REEP3: variants seen among roughly 807,000 people sequenced by gnomAD.
The protein encoded by REEP3 is receptor accessory protein 3.
Under a neutral mutation model 41.3 loss-of-function variants are expected in REEP3, and 20 were observed. The observed-to-expected ratio is 0.48, with a 90% CI of 0.34 to 0.70. The LOEUF (loss-of-function observed/expected upper bound fraction) is 0.70. Among genes scored for constraint, REEP3 ranks in the 30% least tolerant of loss-of-function variants. The probability of loss-of-function intolerance (pLI) is 0.01; values close to 1 mark genes in which losing one functional copy is unlikely to be tolerated. For synonymous variants in REEP3, 104 were observed against 101.8 expected, an observed-to-expected ratio of 1.02 and a Z score of -0.13; for missense variants, 271 against 308.8, an observed-to-expected ratio of 0.88 and a Z score of 0.92.
chr10:63,521,620 G>A (rs1017756664), intron 1 of REEP3, 43 bp downstream of exon 1: 65 of 1,355,468 alleles, frequency 4.8e-5, no homozygotes, highest in Non-Finnish European at 5.9e-5. Context: ...GCGAGGCCCA[G>A]GGGAGCTGTG....
At chr10:63,588,512 T>G (rs1956028352) in intron 2 of REEP3, among the ~76,000 whole-genome samples, 1 of 152,254 alleles carries the variant, frequency 6.6e-6, no homozygotes, top group Non-Finnish European at 1.5e-5. Flanking sequence ...CTATCTACTT[T>G]CTAGCCTTTT....
intron 2 of REEP3, among the ~76,000 whole-genome samples, chr10:63,593,828 T>C (rs986603694): frequency 1.3e-5 from 2 of 152,012 alleles, no homozygotes; most frequent in African/African-American, 4.8e-5. Flanking sequence ...TGAACTACCA[T>C]TGTGGAATTA....
chr10:63,562,404 T>C (rs541751805), intron 1 of REEP3, among the ~76,000 whole-genome samples: 1 of 152,194 alleles, frequency 6.6e-6, no homozygotes, highest in South Asian at 2.1e-4. Flanking sequence ...ATTACAGGCA[T>C]GCATCACCAT....
intron 1 of REEP3, among the ~76,000 whole-genome samples, chr10:63,544,667 T>C (rs182946277): frequency 7.0e-4 from 107 of 152,276 alleles, no homozygotes; most frequent in African/African-American, 2.4e-3. Flanking sequence ...CAGAAGCAGA[T>C]GGGATGTTAG....
chr10:63,619,669 C>T lies in REEP3; in HGVS notation c.580C>T (p.Leu194=). ...PSESAGYGIP[L]KDGDEKTDEE... The stretch of plus-strand genomic sequence containing the variant: ...AACTTGTTTAGGTTATGGAATTCCA[C>T]TGAAAGACGGAGATGAGAAAACAGA... Residue 194 remains leucine (L), a synonymous_variant, in exon 7 of 8, where the codon CTG becomes TTG. Coordinates refer to ENST00000373758, the MANE Select transcript of REEP3 (RefSeq NM_001001330.3). 6.2e-7 allele frequency: 1 copy of T among 1,601,892 alleles called. No individual in the cohort carries two copies. Among genetic ancestry groups the T allele is most frequent in the South Asian group, 1.1e-5 (1 of 88,794 alleles).
At chr10:63,571,547 G>A (rs1285424183) in intron 2 of REEP3, among the ~76,000 whole-genome samples, 1 of 152,074 alleles carries the variant, frequency 6.6e-6, no homozygotes, top group Non-Finnish European at 1.5e-5. Context: ...CCACTTATAA[G>A]GACTCTTGTG....
rs138157990 is a variant in REEP3, at chr10:63,621,255, T to C, written c.*386T>C. The C allele has an allele frequency of 5.2e-4, 81 of 155,284 alleles. 3 individuals carry two copies. In the East Asian group the frequency reaches 0.011, roughly 20 times the overall value. The allele number at this position is 155,284 out of a possible 1,614,324, so 9.6% of individuals were successfully genotyped here. ...ACTGTGTTTACCTCCTTTTGTGTTG[T>C]ATCTGGTAATTAAATAGGCCTCAGA... On this transcript the variant is annotated 3_prime_UTR_variant, in exon 8 of 8. Coordinates refer to ENST00000373758, the MANE Select transcript of REEP3 (RefSeq NM_001001330.3).
chr10:63,584,785 G>A lies in REEP3; in HGVS notation c.106-9993G>A, dbSNP rs138337395. 5.4e-3 allele frequency among the ~76,000 whole-genome samples: 829 copies of A among 152,150 alleles called. 4 individuals carry two copies. Among genetic ancestry groups the A allele is most frequent in the Non-Finnish European group, 9.3e-3 (632 of 68,006 alleles). ...AATGTGGTGTAGAATGAATGTTTTG[G>A]GTGAATTGACTTGAGTGGGTAACAA... On this transcript the variant is annotated intron_variant, in intron 2 of 7. Coordinates refer to ENST00000373758, the MANE Select transcript of REEP3 (RefSeq NM_001001330.3).
chr10:63,619,568 A>G (rs1956337270), intron 6 of REEP3, 87 bp from the exon 7 acceptor site: 2 of 1,186,148 alleles, frequency 1.7e-6, no homozygotes, highest in Non-Finnish European at 2.4e-6. Context: ...TGCAAACCAT[A>G]CAAAGAACTG....
chr10:63,601,721 C>T (rs1405663738), intron 5 of REEP3, among the ~76,000 whole-genome samples: 2 of 152,074 alleles, frequency 1.3e-5, no homozygotes, highest in African/African-American at 4.8e-5. Flanking sequence ...GAGTTCAAGA[C>T]CATCCTGGCC....
At chr10:63,530,734 T>C (rs1190053669) in intron 1 of REEP3, among the ~76,000 whole-genome samples, 1 of 152,214 alleles carries the variant, frequency 6.6e-6, no homozygotes, top group Non-Finnish European at 1.5e-5. Flanking sequence ...TTTTATATTA[T>C]GTACTTTAAG....
At chr10:63,552,361 A>G (rs1184014887) in intron 1 of REEP3, among the ~76,000 whole-genome samples, 1 of 152,186 alleles carries the variant, frequency 6.6e-6, no homozygotes, top group African/African-American at 2.4e-5. Context: ...CAGTGAGCCG[A>G]GATTTTGCCC....
intron 2 of REEP3, among the ~76,000 whole-genome samples, chr10:63,581,611 C>T (rs768628731): frequency 1.3e-5 from 2 of 151,978 alleles, no homozygotes; most frequent in African/African-American, 2.4e-5. Flanking sequence ...GGCGTGGTGG[C>T]ATGTGCCTAT....
At chr10:63,562,321 G>A (rs576509574) in intron 1 of REEP3, among the ~76,000 whole-genome samples, 19 of 150,202 alleles carry the variant, frequency 1.3e-4, no homozygotes, top group Admixed American at 1.0e-3. Flanking sequence ...CCAGTGGCAC[G>A]ATCTCGGCTC....
chr10:63,528,898 C>T (rs1288257620), intron 1 of REEP3, among the ~76,000 whole-genome samples: 1 of 152,234 alleles, frequency 6.6e-6, no homozygotes, highest in Non-Finnish European at 1.5e-5. Context: ...CTTCCCCGCT[C>T]CGTTGTCTGT....
chr10:63,566,341 G>A lies in REEP3; in HGVS notation c.36G>A (p.Leu12=). 3 of 1,540,990 alleles carry A rather than the reference G, an allele frequency of 1.9e-6. No homozygotes were observed. The Middle Eastern group carries it at 5.1e-4, about 261-fold the overall frequency. The stretch of plus-strand genomic sequence containing the variant: ...TTCTCATTTTTTTTACTTTTAGGCT[G>A]GTGTTTGGAATGCTTTATCCTGCAT... ...VSWMISRAVV[L]VFGMLYPAYY... is the part of the protein sequence containing the mutation. Residue 12 remains leucine (L), a synonymous_variant, in exon 2 of 8, where the codon CTG becomes CTA. Transcript: ENST00000373758.
At chr10:63,572,667 CTGTTA>C (rs924600257) in intron 2 of REEP3, among the ~76,000 whole-genome samples, 28 of 151,934 alleles carry the variant, frequency 1.8e-4, no homozygotes, top group Non-Finnish European at 3.8e-4. Flanking sequence ...TTATATTGCC[CTGTTA>C]TGTTTTTAAT....
chr10:63,527,392 C>A (rs553905851), intron 1 of REEP3, among the ~76,000 whole-genome samples: 1 of 152,288 alleles, frequency 6.6e-6, no homozygotes, highest in South Asian at 2.1e-4. Context: ...ATAGTCCAAG[C>A]CGGGCACAGT....
At chr10:63,588,204 C>G (rs1053489332) in intron 2 of REEP3, among the ~76,000 whole-genome samples, 4 of 152,210 alleles carry the variant, frequency 2.6e-5, no homozygotes, top group African/African-American at 9.6e-5. Flanking sequence ...GACACAGCCA[C>G]TCTTTTCTTC....
Sources: gnomAD v4.1 joint callset for allele counts (sites outside exome capture counted in the v4.1 genomes callset) on GRCh38, gnomAD v4.1.1 for gene constraint, MANE v1.5 for transcripts, NCBI Gene and HGNC (gene_info 2026-07-23, HGNC 2026-07-21) for gene names.